Variants in HMCN1 observed in about 807,000 individuals in gnomAD.
The protein encoded by HMCN1 is hemicentin-1.
A neutral mutation model predicts 625.9 loss-of-function variants in HMCN1; 321 were observed. That is an observed-to-expected ratio of 0.51 (90% confidence interval 0.47 to 0.56). The LOEUF (loss-of-function observed/expected upper bound fraction) is 0.56. Among genes scored for constraint, HMCN1 ranks in the 20% least tolerant of loss-of-function variants. HMCN1 has a pLI of 0.00. For synonymous variants in HMCN1, 2,425 were observed against 2,417.6 expected (o/e 1.00, Z -0.09); for missense variants, 6,588 against 6,887.3 (o/e 0.96, Z 1.54).
At chr1:185,874,755 A>T (rs1049464718) in intron 4 of HMCN1, among the ~76,000 whole-genome samples, 12 of 152,146 alleles carry the variant, frequency 7.9e-5, no homozygotes, top group South Asian at 6.2e-4. Flanking sequence ...TTTTAAATAG[A>T]CACAAGAAAT....
intron 104 of HMCN1, among the ~76,000 whole-genome samples, chr1:186,179,203 A>G (rs1236130143): frequency 6.6e-6 from 1 of 152,170 alleles, no homozygotes; most frequent in South Asian, 2.1e-4. Flanking sequence ...CTTGTTCTGT[A>G]TAACAACCAA....
intron 4 of HMCN1, among the ~76,000 whole-genome samples, chr1:185,879,343 G>T (rs1284256178): frequency 6.6e-6 from 1 of 151,770 alleles, no homozygotes; most frequent in Non-Finnish European, 1.5e-5. Flanking sequence ...GCTAATTTTT[G>T]ATTTTTTTTG....
At chr1:186,005,018 T>TA (rs142842995) in intron 29 of HMCN1, among the ~76,000 whole-genome samples, 5,707 of 151,328 alleles carry the variant, frequency 0.038, 394 homozygotes, top group African/African-American at 0.13. Context: ...ACACCATTGA[T>TA]ATATTAAAAC....
At chr1:186,060,440 C>A (rs980342230) in intron 46 of HMCN1, among the ~76,000 whole-genome samples, 1 of 152,068 alleles carries the variant, frequency 6.6e-6, no homozygotes, top group Admixed American at 6.6e-5. Context: ...CTCAGTGTCT[C>A]TTAGTTCTCT....
intron 68 of HMCN1, among the ~76,000 whole-genome samples, chr1:186,097,481 G>C (rs1660186335): frequency 6.9e-6 from 1 of 145,372 alleles, no homozygotes; most frequent in Admixed American, 7.0e-5. Context: ...CCTCTGCAGA[G>C]ACTGAGGTAC....
intron 8 of HMCN1, among the ~76,000 whole-genome samples, chr1:185,924,500 T>C (rs1667175098): frequency 6.6e-6 from 1 of 152,122 alleles, no homozygotes; most frequent in South Asian, 2.1e-4. Context: ...GATAGTGATT[T>C]GGGAAATTCA....
chr1:185,850,407 C>G (rs560133001), intron 2 of HMCN1, among the ~76,000 whole-genome samples: 8 of 152,038 alleles, frequency 5.3e-5, no homozygotes, highest in Non-Finnish European at 1.0e-4. Context: ...ACAATACACT[C>G]TTATATTCTT....
intron 15 of HMCN1, among the ~76,000 whole-genome samples, chr1:185,973,044 A>G (rs1246114116): frequency 1.3e-5 from 2 of 152,142 alleles, no homozygotes; most frequent in African/African-American, 4.8e-5. Context: ...GAACTTATGT[A>G]GTGGTTAAGT....
intron 58 of HMCN1, 21 bp downstream of exon 58, chr1:186,086,428 A>G: frequency 6.2e-7 from 1 of 1,610,696 alleles, no homozygotes. Flanking sequence ...TCTTATTATA[A>G]AGCAGGCAAA....
At chr1:185,893,336 C>T (rs942810285) in intron 4 of HMCN1, among the ~76,000 whole-genome samples, 18 of 152,144 alleles carry the variant, frequency 1.2e-4, no homozygotes, top group African/African-American at 4.1e-4. Context: ...GGCTCCTCCA[C>T]TTGGGGAGAC....
At chr1:186,160,801 TC>T (rs1651409137) in intron 97 of HMCN1, among the ~76,000 whole-genome samples, 1 of 151,362 alleles carries the variant, frequency 6.6e-6, no homozygotes, top group Non-Finnish European at 1.5e-5. Context: ...TGTTATAATC[TC>T]TGTTCTTTTA....
At position 185,892,861 on chromosome 1, in the gene HMCN1, T is replaced by A. The variant is rs561646804; in HGVS notation, c.622-16476T>A. On this transcript the variant is annotated intron_variant, in intron 4 of 106. Transcript: ENST00000271588. ...CACCCAGTTCGAGCTTCCAGGCTGC[T>A]TTGTTTACCTACGGAAGCCTGGTCA... is the stretch of plus-strand genomic sequence containing the variant. 4.6e-5 allele frequency among the ~76,000 whole-genome samples: 7 copies of A among 152,316 alleles called. No homozygotes were observed. The East Asian group carries it at 1.4e-3, about 29-fold the overall frequency.
rs527372215 is a variant in HMCN1, at chr1:185,902,558, T to G, written c.622-6779T>G. Among the ~76,000 whole-genome samples, 134 of 151,860 alleles carry G rather than the reference T, an allele frequency of 8.8e-4. 1 individual carries two copies. The highest frequency in any genetic ancestry group is 3.1e-3 in the African/African-American group (129 of 41,506). ...GTGCAATAGTGTTTTATGTAACTACTATACCTGTATACCTTATTAAATGTG... is the reference window on the plus strand; with the variant it reads ...GTGCAATAGTGTTTTATGTAACTACGATACCTGTATACCTTATTAAATGTG... On this transcript the variant is annotated intron_variant, in intron 4 of 106. Transcript: ENST00000271588.
chr1:185,791,772 T>C (rs571656412), intron 1 of HMCN1, among the ~76,000 whole-genome samples: 15 of 152,100 alleles, frequency 9.9e-5, no homozygotes, highest in Admixed American at 2.6e-4. Flanking sequence ...ATTAAATCAG[T>C]CATGATTTCT....
chr1:185,776,147 T>C (rs1471449397), intron 1 of HMCN1, among the ~76,000 whole-genome samples: 1 of 152,222 alleles, frequency 6.6e-6, no homozygotes, highest in Non-Finnish European at 1.5e-5. Flanking sequence ...TTATTTCCTA[T>C]TTATTTTTAT....
chr1:186,169,402 G>C (rs1423861742), intron 100 of HMCN1, among the ~76,000 whole-genome samples: 1 of 152,120 alleles, frequency 6.6e-6, no homozygotes, highest in African/African-American at 2.4e-5. Flanking sequence ...TAAGCAAAAA[G>C]AACAAAGCTG....
rs61289175 is a variant in HMCN1 at position 185,808,870 on chromosome 1, CA to C, written c.269-37150del. Among the ~76,000 whole-genome samples, 1,201 of 152,024 alleles carry C rather than the reference CA, an allele frequency of 7.9e-3. 11 individuals are homozygous for C. Among genetic ancestry groups the C allele is most frequent in the African/African-American group, 0.028 (1,158 of 41,474 alleles). On this transcript the variant is annotated intron_variant, in intron 1 of 106. Transcript: ENST00000271588. The stretch of plus-strand genomic sequence containing the variant: ...TTTGGGCAACTCTTACAGGAAGAGT[CA>C]AAAAAGTATTCAGAAGGGAAATAGC...
At chr1:186,038,729 A>G (rs1182450981) in intron 37 of HMCN1, 100 bp from the exon 38 acceptor site, 9 of 734,870 alleles carry the variant, frequency 1.2e-5, no homozygotes, top group Non-Finnish European at 2.2e-5. Context: ...TCAAATAATA[A>G]GTATAAGAAT....
chr1:185,986,234 T>A (rs528519529), intron 19 of HMCN1, among the ~76,000 whole-genome samples: 1 of 152,328 alleles, frequency 6.6e-6, no homozygotes, highest in East Asian at 1.9e-4. Context: ...GTAGCATATC[T>A]AATCTAAGCC....
Sources: allele counts gnomAD v4.1 joint callset (sites outside exome capture counted in the v4.1 genomes callset), GRCh38; gene constraint gnomAD v4.1.1; transcripts MANE v1.5; gene names NCBI Gene and HGNC (gene_info 2026-07-23, HGNC 2026-07-21).